The following CERS6 variants were observed in gnomAD, a reference collection of about 807,000 sequenced individuals.
CERS6 encodes LAG1 homolog, ceramide synthase 6.
A neutral mutation model predicts 56.8 loss-of-function variants in CERS6; 26 were observed. The observed-to-expected ratio is 0.46, with a 90% CI of 0.34 to 0.63. The LOEUF is 0.63. Among genes scored for constraint, CERS6 ranks in the 30% least tolerant of loss-of-function variants. CERS6 has a pLI of 0.01. For synonymous variants in CERS6, 164 were observed against 173.3 expected (o/e 0.95, Z 0.42); for missense variants, 415 against 467.5 (o/e 0.89, Z 1.04).
intron 1 of CERS6, among the ~76,000 whole-genome samples, chr2:168,501,879 G>T (rs1694586631): frequency 6.6e-6 from 1 of 152,180 alleles, no homozygotes; most frequent in Non-Finnish European, 1.5e-5. Context: ...TAGTATTTTG[G>T]CCGCCCGCAG....
intron 2 of CERS6, among the ~76,000 whole-genome samples, chr2:168,549,996 G>C (rs932429841): frequency 7.2e-5 from 11 of 152,152 alleles, no homozygotes; most frequent in African/African-American, 2.7e-4. Context: ...TCAAGTGTGA[G>C]AGAGGTACCC....
intron 8 of CERS6, among the ~76,000 whole-genome samples, chr2:168,758,928 A>G (rs1374055305): frequency 1.3e-5 from 2 of 151,250 alleles, no homozygotes; most frequent in African/African-American, 4.9e-5. Flanking sequence ...CTTCTTTAAG[A>G]CTCCCTTGTG....
At chr2:168,530,951 A>G (rs1167854232) in intron 1 of CERS6, among the ~76,000 whole-genome samples, 1 of 152,222 alleles carries the variant, frequency 6.6e-6, no homozygotes, top group African/African-American at 2.4e-5. Context: ...GCCTTTGCCA[A>G]TGGTTATTTA....
chr2:168,713,813 A>T (rs550618806), intron 6 of CERS6, among the ~76,000 whole-genome samples: 2 of 152,156 alleles, frequency 1.3e-5, no homozygotes, highest in East Asian at 3.9e-4. Context: ...TGTAGGTCCT[A>T]TCAGAAGAGC....
In CERS6 at chr2:168,773,655, C is replaced by T. The variant is rs527241442; in HGVS notation, c.*3993C>T. 3 of 152,298 alleles carry T rather than the reference C, an allele frequency of 2.0e-5. No individual in the cohort carries two copies. The highest frequency in any genetic ancestry group is 2.1e-4 in the South Asian group (1 of 4,820). 9.4% of individuals were successfully genotyped at this position (152,298 alleles called of 1,614,324 possible). A position where few individuals can be genotyped will look rare whatever the true frequency, so the allele number is the denominator to read the frequency against. ...AATCAGCAGTTCAGTTGTCACAAGC[C>T]GCCCTTGAAGAAAACGCAGCAAAAT... is the stretch of plus-strand genomic sequence containing the variant. On this transcript the variant is annotated 3_prime_UTR_variant, in exon 10 of 10. Transcript: ENST00000305747.
At chr2:168,487,405 A>G (rs1192104831) in intron 1 of CERS6, among the ~76,000 whole-genome samples, 2 of 152,204 alleles carry the variant, frequency 1.3e-5, no homozygotes, top group Admixed American at 1.3e-4. Context: ...GAGTGCCTCC[A>G]AGGCTGCAAT....
intron 3 of CERS6, among the ~76,000 whole-genome samples, chr2:168,614,386 T>A (rs906344913): frequency 6.6e-6 from 1 of 152,240 alleles, no homozygotes; most frequent in African/African-American, 2.4e-5. Context: ...GAGGCATGAT[T>A]TTAAATGTCT....
chr2:168,754,033 G>C (rs1168474772), intron 8 of CERS6, among the ~76,000 whole-genome samples: 1 of 152,170 alleles, frequency 6.6e-6, no homozygotes, highest in East Asian at 1.9e-4. Flanking sequence ...GGGGGACAGT[G>C]TCAGGACAGG....
intron 6 of CERS6, among the ~76,000 whole-genome samples, chr2:168,704,850 G>C (rs148433982): frequency 6.6e-6 from 1 of 152,048 alleles, no homozygotes; most frequent in African/African-American, 2.4e-5. Context: ...TGCCTGCCTC[G>C]GCCTCCCAAA....
At chr2:168,587,708 T>G (rs1445961618) in intron 3 of CERS6, among the ~76,000 whole-genome samples, 1 of 151,914 alleles carries the variant, frequency 6.6e-6, no homozygotes, top group Non-Finnish European at 1.5e-5. Flanking sequence ...GTTGGTGTGA[T>G]TAATATGTAA....
intron 1 of CERS6, among the ~76,000 whole-genome samples, chr2:168,490,188 A>G (rs747406426): frequency 1.4e-4 from 21 of 152,202 alleles, no homozygotes; most frequent in Non-Finnish European, 2.9e-4. Context: ...TGTGTCATGC[A>G]TGCACAGCTT....
chr2:168,631,628 A>AAATATAATATATATTTAATATTTATATAT (rs1684736366), intron 4 of CERS6, among the ~76,000 whole-genome samples: 1 of 22,084 alleles, frequency 4.5e-5, no homozygotes, highest in African/African-American at 1.2e-4. Flanking sequence ...TATTTATATA[A>AAATATAATATATATTTAATATTTATATAT]TATATAGCAT....
At chr2:168,623,624 G>A (rs963248673) in intron 3 of CERS6, among the ~76,000 whole-genome samples, 2 of 152,160 alleles carry the variant, frequency 1.3e-5, no homozygotes, top group Non-Finnish European at 2.9e-5. Context: ...TGAATATTTT[G>A]TTCCACAAAT....
chr2:168,740,010 A>G (rs1008733455), intron 8 of CERS6, among the ~76,000 whole-genome samples: 1 of 152,120 alleles, frequency 6.6e-6, no homozygotes, highest in Admixed American at 6.5e-5. Flanking sequence ...CTGGAAAGGA[A>G]CATTTAAGGG....
chr2:168,664,923 G>T (rs752792448), intron 4 of CERS6, among the ~76,000 whole-genome samples: 4 of 152,098 alleles, frequency 2.6e-5, no homozygotes, highest in Non-Finnish European at 4.4e-5. Context: ...TGGTTCACAC[G>T]CCTCTGACAG....
At chr2:168,495,774 G>C (rs1694455778) in intron 1 of CERS6, among the ~76,000 whole-genome samples, 1 of 152,156 alleles carries the variant, frequency 6.6e-6, no homozygotes, top group Non-Finnish European at 1.5e-5. Context: ...TGTCATATCT[G>C]TCTCATTCTC....
chr2:168,746,411 G>T (rs1574215169), intron 8 of CERS6, among the ~76,000 whole-genome samples: 1 of 151,984 alleles, frequency 6.6e-6, no homozygotes, highest in East Asian at 1.9e-4. Flanking sequence ...AAGAAGATGT[G>T]CAGTCTCCAC....
intron 1 of CERS6, among the ~76,000 whole-genome samples, chr2:168,499,198 A>G (rs907389942): frequency 7.9e-5 from 12 of 152,138 alleles, no homozygotes; most frequent in African/African-American, 2.9e-4. Flanking sequence ...CCAATTAAAT[A>G]TTGTAGGCCA....
intron 3 of CERS6, among the ~76,000 whole-genome samples, chr2:168,576,307 A>G (rs1218009535): frequency 6.6e-6 from 1 of 152,146 alleles, no homozygotes; most frequent in Non-Finnish European, 1.5e-5. Flanking sequence ...CTTCATGACA[A>G]AGAGCCAGTC....
Sources: gnomAD v4.1 joint callset for allele counts (sites outside exome capture counted in the v4.1 genomes callset) on GRCh38, gnomAD v4.1.1 for gene constraint, MANE v1.5 for transcripts, NCBI Gene and HGNC (gene_info 2026-07-23, HGNC 2026-07-21) for gene names.